Variants in HYAL1 observed in about 807,000 individuals in gnomAD.
HYAL1 encodes the protein hyaluronidase 1, also known as hyaluronidase-1.
A neutral mutation model predicts 28.8 loss-of-function variants in HYAL1; 21 were observed. The ratio of observed to expected loss-of-function variants is 0.73; its 90% CI spans 0.52 to 1.05. The LOEUF (loss-of-function observed/expected upper bound fraction) is 1.05. Ranked by LOEUF, HYAL1 falls within the 50% of genes least tolerant of loss-of-function variation. HYAL1 has a pLI of 0.00. For missense variants in HYAL1, 491 were observed against 579.2 expected (o/e 0.85, Z 1.56); for synonymous variants, 200 against 230.1 (o/e 0.87, Z 1.18).
In HYAL1 at chr3:50,302,294, G is replaced by A. The variant is rs374889084; in HGVS notation, c.663C>T (p.Cys221=). ...CATTTTGGGCACGGATGCCTGATGG[G>A]CACTGGCCGGTGTAGTTGGGGCTTA... ...DFLSPNYTGQ[C]PSGIRAQNDQ... The change falls in exon 2 of 4, where the codon TGC becomes TGT. Residue 221 remains cysteine, a synonymous_variant. Transcript: ENST00000395144. The surrounding 1 kb of genome is among the most constrained non-coding windows in gnomAD (Gnocchi z 5.0). The A allele has an allele frequency of 1.2e-6, 2 of 1,613,622 alleles. No homozygotes were observed. The highest frequency in any genetic ancestry group is 2.7e-5 in the African/African-American group (2 of 74,948).
rs1702075513 is a variant in HYAL1, at chr3:50,300,458, T to A, written c.*25A>T. ...GACCCAGAGTGCATTAGGTTCTCAA[T>A]ATGTGCAACTCAGTGTGTGGCCAAT... On this transcript the variant is annotated 3_prime_UTR_variant, in exon 4 of 4. Transcript: ENST00000395144. 1.2e-6 allele frequency: 2 copies of A among 1,612,858 alleles called. No homozygotes were observed. Among genetic ancestry groups the A allele is most frequent in the Non-Finnish European group, 1.7e-6 (2 of 1,178,954 alleles).
chr3:50,300,526 G>A lies in HYAL1; in HGVS notation c.1265C>T (p.Pro422Leu). 4 of 1,614,220 alleles carry A rather than the reference G, an allele frequency of 2.5e-6. No individual in the cohort carries two copies. The South Asian group carries it at 4.4e-5, about 18-fold the overall frequency. ...CTCACACCACGGTGCCTGCCAGCCAGGGTAGCATCGACATTTGAACTCCAC... is the reference window on the plus strand; with the variant it reads ...CTCACACCACGGTGCCTGCCAGCCAAGGTAGCATCGACATTTGAACTCCAC... ...MAVEFKCRCY[P>L]GWQAPWCERK... The change falls in exon 4 of 4, where the codon CCT (proline) becomes CTT (leucine). Residue 422 changes from proline (P) to leucine (L), a missense_variant. Coordinates refer to ENST00000395144, the MANE Select transcript of HYAL1 (RefSeq NM_033159.4).
At chr3:50,309,521 T>C (rs1460303290) in intron 2 of HYAL1, 4 of 149,450 alleles carry the variant, frequency 2.7e-5, no homozygotes, top group African/African-American at 7.6e-5. Flanking sequence ...ATTGGAGGAA[T>C]TGATTATTTG....
chr3:50,301,678 C>T (rs7433158), intron 2 of HYAL1, among the ~76,000 whole-genome samples: 1 of 149,488 alleles, frequency 6.7e-6, no homozygotes, highest in East Asian at 2.0e-4. Context: ...GGGGGCCGGG[C>T]GCGGTGGCTC....
At chr3:50,308,107 AC>A (rs1553714256), upstream of HYAL1, among the ~76,000 whole-genome samples, 1 of 147,628 alleles carries the variant, frequency 6.8e-6, no homozygotes, top group African/African-American at 2.6e-5. Flanking sequence ...AAACCCAAAA[AC>A]TTTTATATAA....
upstream of HYAL1, among the ~76,000 whole-genome samples, chr3:50,307,649 C>T (rs1251803643): frequency 7.9e-6 from 1 of 127,318 alleles, no homozygotes; most frequent in Admixed American, 8.0e-5. Flanking sequence ...CCACTGCACT[C>T]CAGCCTGGGT....
rs146431309 is a variant in HYAL1 at position 50,300,997 on chromosome 3, T to C, written c.981A>G (p.Thr327=). 12 of 1,396,502 alleles carry C rather than the reference T, an allele frequency of 8.6e-6. No homozygotes were observed. The African/African-American group carries it at 1.9e-4, about 23-fold the overall frequency. 86.5% of individuals were successfully genotyped at this position (1,396,502 alleles called of 1,614,324 possible). A position where few individuals can be genotyped will look rare whatever the true frequency, so the allele number is the denominator to read the frequency against. Residue 327 remains threonine, a synonymous_variant, in exon 3 of 4, where the codon ACA becomes ACG. Transcript: ENST00000395144. ...GVVLWVSWEN[T]RTKESCQAIK... ...CCAGGCCTAAGCTCACCTTGGTTCT[T>C]GTATTTTCCCAGCTCACCCAGAGCA... is the stretch of plus-strand genomic sequence containing the variant.
chr3:50,303,658 G>A (rs1052244489), upstream of HYAL1: 1 of 152,316 alleles, frequency 6.6e-6, no homozygotes, highest in African/African-American at 2.4e-5. Context: ...CTTGGATTAG[G>A]AGGCCAGGCC....
intron 1 of HYAL1, 175 bp from the exon 2 acceptor site, chr3:50,303,155 C>T: frequency 1.8e-6 from 1 of 552,936 alleles, no homozygotes; most frequent in South Asian, 2.8e-5. Flanking sequence ...AGCATGGCCA[C>T]TGGAGGGCAC....
In HYAL1 at chr3:50,302,184, G is replaced by A; in HGVS notation, c.773C>T (p.Ser258Leu). ...CACACGGTGTTGCACATACATCTGTGACTTCCCTGTGCCCTCCAGCACTGC... is the reference window on the plus strand; with the variant it reads ...CACACGGTGTTGCACATACATCTGTAACTTCCCTGTGCCCTCCAGCACTGC... ...MPAVLEGTGK[S>L]QMYVQHRVAE... Residue 258 changes from serine (S) to leucine (L), a missense_variant, in exon 2 of 4, where the codon TCA becomes TTA. Transcript: ENST00000395144. This position sits in a 1 kb window ranked among gnomAD's most constrained non-coding sequence, Gnocchi z 5.0. 6.2e-7 allele frequency: 1 copy of A among 1,614,214 alleles called. No homozygotes were observed. The highest frequency in any genetic ancestry group is 8.5e-7 in the Non-Finnish European group (1 of 1,180,044).
Position 50,302,110 on chromosome 3 carries a change from C to G in HYAL1, c.847G>C (p.Val283Leu), listed in dbSNP as rs781980498. 2.3e-5 allele frequency: 37 copies of G among 1,614,074 alleles called. No individual in the cohort carries two copies. The East Asian group carries it at 8.2e-4, about 36-fold the overall frequency. Residue 283 changes from valine to leucine, a missense_variant, in exon 2 of 4, where the codon GTG (valine) becomes CTG (leucine). Physicochemically the swap from Val to Leu is conservative, Grantham distance 32. Transcript: ENST00000395144. The surrounding 1 kb of genome is among the most constrained non-coding windows in gnomAD (Gnocchi z 5.0). ...AVAAGDPNLP[V>L]LPYVQIFYDT... Reference sequence around the variant, plus strand: ...TAGAAGATCTGGACATAGGGCAGCACCGGCAGATTGGGGTCACCAGCAGCC... The same window carrying G: ...TAGAAGATCTGGACATAGGGCAGCAGCGGCAGATTGGGGTCACCAGCAGCC...
intron 1 of HYAL1, among the ~76,000 whole-genome samples, chr3:50,311,521 G>T (rs1419688622): frequency 1.5e-5 from 2 of 134,854 alleles, no homozygotes; most frequent in African/African-American, 5.6e-5. Context: ...AGGGGCGGCC[G>T]GGCAGAGGCG....
chr3:50,303,329 G>C (rs1575518464), intron 1 of HYAL1, 137 bp downstream of exon 1: 1 of 183,802 alleles, frequency 5.4e-6, no homozygotes. Context: ...ACCCGACCAA[G>C]GGGGGGAGGC....
chr3:50,301,177 T>A, intron 2 of HYAL1, 100 bp from the exon 3 acceptor site: 1 of 786,860 alleles, frequency 1.3e-6, no homozygotes, highest in Non-Finnish European at 2.1e-6. Context: ...AACCTTCACC[T>A]GGGGCTGCTC....
upstream of HYAL1, among the ~76,000 whole-genome samples, chr3:50,306,448 C>G (rs1365732183): frequency 2.0e-5 from 3 of 151,072 alleles, no homozygotes; most frequent in Admixed American, 2.0e-4. Flanking sequence ...TTGCAATTTC[C>G]TTTAAATGAC....
At chr3:50,311,147 G>C (rs1702440155) in intron 1 of HYAL1, among the ~76,000 whole-genome samples, 1 of 151,812 alleles carries the variant, frequency 6.6e-6, no homozygotes, top group Non-Finnish European at 1.5e-5. Context: ...TGGCCGGGCA[G>C]AGGGGCTCCT....
At chr3:50,311,327 ACCTC>A (rs1702446957) in intron 1 of HYAL1, among the ~76,000 whole-genome samples, 1 of 91,994 alleles carries the variant, frequency 1.1e-5, no homozygotes, top group Non-Finnish European at 2.2e-5. Context: ...TGACCCCCCC[ACCTC>A]CCTCCCGGAC....
chr3:50,300,475 G>A lies in HYAL1; in HGVS notation c.*8C>T. On this transcript the variant is annotated 3_prime_UTR_variant, in exon 4 of 4. Coordinates refer to ENST00000395144, the MANE Select transcript of HYAL1 (RefSeq NM_033159.4). ...GTTCTCAATATGTGCAACTCAGTGT[G>A]TGGCCAATCACCACATGCTCTTCCG... 4 of 1,614,078 alleles carry A rather than the reference G, an allele frequency of 2.5e-6. No individual in the cohort carries two copies. Among genetic ancestry groups the A allele is most frequent in the Non-Finnish European group, 3.4e-6 (4 of 1,179,942 alleles).
chr3:50,310,119 TTTTG>T lies in HYAL1; in HGVS notation c.-309-346_-309-343del, dbSNP rs1223012111. 4.6e-5 allele frequency among the ~76,000 whole-genome samples: 7 copies of T among 151,504 alleles called. 1 individual carries two copies. Among genetic ancestry groups the T allele is most frequent in the South Asian group, 2.1e-4 (1 of 4,832 alleles). On this transcript the variant is annotated intron_variant, in intron 1 of 5. Transcript: ENST00000320295. Reference sequence around the variant, plus strand: ...TGTTAGATTCTAGTCTTAACTGTTTTTTTGTTTGTTTGCTTCCAATTTTTATGAT... The same window carrying T: ...TGTTAGATTCTAGTCTTAACTGTTTTTTTGTTTGCTTCCAATTTTTATGAT...
Sources: allele counts gnomAD v4.1 joint callset (sites outside exome capture counted in the v4.1 genomes callset), GRCh38; gene constraint gnomAD v4.1.1; non-coding constraint Gnocchi (gnomAD v3.1); transcripts MANE v1.5; gene names NCBI Gene and HGNC (gene_info 2026-07-23, HGNC 2026-07-21).